Variants in CDIN1 observed in about 807,000 individuals in gnomAD.
The protein encoded by CDIN1 is CDAN1-interacting nuclease 1.
In CDIN1, 33 loss-of-function variants were observed where a neutral mutation model predicts 45.3. The observed-to-expected ratio is 0.73, with a 90% confidence interval of 0.55 to 0.97. CDIN1 has a LOEUF of 0.97. Among genes scored for constraint, CDIN1 ranks in the 50% least tolerant of loss-of-function variants. CDIN1 has a pLI of 0.00. For missense variants in CDIN1, 303 were observed against 339.4 expected, an observed-to-expected ratio of 0.89 and a Z score of 0.84; for synonymous variants, 118 against 124.4, an observed-to-expected ratio of 0.95 and a Z score of 0.34.
chr15:36,689,279 G>A (rs1003367132), intron 5 of CDIN1, among the ~76,000 whole-genome samples: 2 of 151,922 alleles, frequency 1.3e-5, no homozygotes, highest in African/African-American at 2.4e-5. Context: ...CTTATGTCAC[G>A]GAGTATTGTC....
chr15:36,787,870 A>G (rs1269440165), intron 10 of CDIN1, among the ~76,000 whole-genome samples: 1 of 150,982 alleles, frequency 6.6e-6, no homozygotes, highest in Non-Finnish European at 1.5e-5. Context: ...TATGTATCAC[A>G]TATTTAATAT....
intron 10 of CDIN1, among the ~76,000 whole-genome samples, chr15:36,766,533 A>C (rs566140426): frequency 2.6e-5 from 4 of 152,334 alleles, no homozygotes; most frequent in South Asian, 2.1e-4. Context: ...AACAGCATAC[A>C]AAGGTTCCAG....
chr15:36,618,914 A>C (rs554248760), intron 1 of CDIN1: 273 of 1,349,762 alleles, frequency 2.0e-4, no homozygotes, highest in East Asian at 1.1e-3. Flanking sequence ...AAATGTAGCT[A>C]CACCGTGACT....
intron 5 of CDIN1, chr15:36,691,287 C>G (rs773358277): frequency 6.8e-6 from 3 of 441,840 alleles, no homozygotes; most frequent in Non-Finnish European, 1.3e-5. Flanking sequence ...TCAAAGACTT[C>G]AGATCTGACC....
intron 1 of CDIN1, among the ~76,000 whole-genome samples, chr15:36,596,196 T>G (rs958843263): frequency 0.02 from 3,113 of 152,252 alleles, 98 homozygotes; most frequent in African/African-American, 0.071. Context: ...CTCATTTTTT[T>G]TTTTTAAAGA....
intron 1 of CDIN1, among the ~76,000 whole-genome samples, chr15:36,612,772 G>A (rs2140278899): frequency 6.6e-6 from 1 of 152,336 alleles, no homozygotes; most frequent in East Asian, 1.9e-4. Flanking sequence ...TAAAGATAGA[G>A]AGTTGGGTTA....
chr15:36,740,567 C>T (rs1471398843), intron 10 of CDIN1, among the ~76,000 whole-genome samples: 1 of 152,114 alleles, frequency 6.6e-6, no homozygotes, highest in Non-Finnish European at 1.5e-5. Context: ...GGTCAAATCT[C>T]GTAATTCTTC....
In CDIN1 at chr15:36,767,029, C is replaced by A. The variant is rs1306559384; in HGVS notation, c.717-41295C>A. 1.3e-5 allele frequency among the ~76,000 whole-genome samples: 2 copies of A among 152,084 alleles called. 1 individual carries two copies. The highest frequency in any genetic ancestry group is 6.3e-3 in the Middle Eastern group (2 of 316). ...CATTGTCAAGACCAAAGTCAGGAAG[C>A]TTTTTCCCTATGCTTTCTTCTAAGG... On this transcript the variant is annotated intron_variant, in intron 10 of 10. Coordinates refer to ENST00000566621, the MANE Select transcript of CDIN1 (RefSeq NM_001321759.2).
intron 3 of CDIN1, among the ~76,000 whole-genome samples, chr15:36,646,979 T>C (rs1381938516): frequency 6.6e-6 from 1 of 152,128 alleles, no homozygotes; most frequent in African/African-American, 2.4e-5. Flanking sequence ...GAACATACTT[T>C]TGTTGGATTA....
At chr15:36,618,668 A>C in intron 1 of CDIN1, 1 of 813,284 alleles carries the variant, frequency 1.2e-6, no homozygotes, top group Non-Finnish European at 2.2e-6. Context: ...GTGCCTGCAG[A>C]TGAGCAGACA....
intron 8 of CDIN1, among the ~76,000 whole-genome samples, chr15:36,698,792 C>G (rs2042529223): frequency 6.6e-6 from 1 of 152,164 alleles, no homozygotes; most frequent in Admixed American, 6.6e-5. Context: ...GCCTTCAGCC[C>G]CATTTTTTTG....
chr15:36,709,817 C>G, intron 9 of CDIN1, 39 bp from the exon 10 acceptor site: 1 of 1,535,716 alleles, frequency 6.5e-7, no homozygotes, highest in South Asian at 1.1e-5. Flanking sequence ...TCAATCTTCC[C>G]CTCCCTTCTC....
intron 4 of CDIN1, among the ~76,000 whole-genome samples, chr15:36,655,114 C>T (rs2040727319): frequency 6.6e-6 from 1 of 152,180 alleles, no homozygotes; most frequent in Non-Finnish European, 1.5e-5. Flanking sequence ...GCTTCCCTCA[C>T]AGCTTCTGTC....
chr15:36,751,232 TATATATATATA>T (rs2053460662), intron 10 of CDIN1, among the ~76,000 whole-genome samples: 1 of 60,150 alleles, frequency 1.7e-5, no homozygotes, highest in African/African-American at 6.7e-5. Context: ...GCTTATTTTA[TATATATATATA>T]TATATATATA....
intron 3 of CDIN1, among the ~76,000 whole-genome samples, chr15:36,652,785 A>T (rs2040624643): frequency 6.6e-6 from 1 of 152,212 alleles, no homozygotes; most frequent in African/African-American, 2.4e-5. Context: ...GGAAAATTAT[A>T]CAACTTTATA....
At position 36,657,835 on chromosome 15, in the gene CDIN1, G is replaced by A. The variant is rs1048221132; in HGVS notation, c.276G>A (p.Val92=). 8.1e-6 allele frequency: 13 copies of A among 1,610,082 alleles called. No individual in the cohort carries two copies. The highest frequency in any genetic ancestry group is 2.2e-5 in the East Asian group (1 of 44,794). ...TTTTCTACTTCTGTTTTATAAAGGT[G>A]GACTATGCGCCCTCATTAATGGCTC... ...APVLLDLANE[V]DYAPSLMARL... is the part of the protein sequence containing the mutation. Residue 92 remains valine (V), a splice_region_variant and synonymous_variant, in exon 5 of 11, where the codon GTG becomes GTA. Transcript: ENST00000566621.
intron 6 of CDIN1, 120 bp downstream of exon 6, chr15:36,691,884 A>T: frequency 1.2e-6 from 1 of 834,344 alleles, no homozygotes; most frequent in Non-Finnish European, 1.9e-6. Context: ...AGGGTGCACC[A>T]TAAATGGCAA....
chr15:36,612,125 C>T (rs979701057), intron 1 of CDIN1, among the ~76,000 whole-genome samples: 38 of 152,290 alleles, frequency 2.5e-4, no homozygotes, highest in Middle Eastern at 3.4e-3. Flanking sequence ...AGAACAGAGG[C>T]GTCCTTGTAT....
intron 1 of CDIN1, among the ~76,000 whole-genome samples, chr15:36,639,036 T>C (rs186783732): frequency 6.6e-6 from 1 of 152,272 alleles, no homozygotes; most frequent in Admixed American, 6.5e-5. Context: ...CATTTCCCCA[T>C]CTCTAAAATA....
Sources: gnomAD v4.1 joint callset for allele counts (sites outside exome capture counted in the v4.1 genomes callset) on GRCh38, gnomAD v4.1.1 for gene constraint, MANE v1.5 for transcripts, NCBI Gene and HGNC (gene_info 2026-07-23, HGNC 2026-07-21) for gene names.